KCNIP4: variants seen among roughly 807,000 people sequenced by gnomAD.
KCNIP4 encodes Kv channel-interacting protein 4.
In KCNIP4, 12 loss-of-function variants were observed where a neutral mutation model predicts 34.0. That is an observed-to-expected ratio of 0.35 (90% CI 0.23 to 0.57). The LOEUF (loss-of-function observed/expected upper bound fraction) is 0.57. KCNIP4 is among the 20% of genes least tolerant of loss of function. The pLI, the probability that KCNIP4 is intolerant of heterozygous loss-of-function variation, is 0.83. For synonymous variants in KCNIP4, 124 were observed against 102.2 expected, an observed-to-expected ratio of 1.21 and a Z score of -1.29; for missense variants, 238 against 311.7, an observed-to-expected ratio of 0.76 and a Z score of 1.78.
chr4:20,864,025 CATACATAT>C (rs778190172), intron 2 of KCNIP4, among the ~76,000 whole-genome samples: 1,327 of 130,678 alleles, frequency 0.01, 12 homozygotes, highest in Middle Eastern at 0.03. Context: ...TGTATGTATA[CATACATAT>C]GTATGTATAC....
intron 1 of KCNIP4, among the ~76,000 whole-genome samples, chr4:21,518,389 C>G (rs1217160246): frequency 6.6e-6 from 1 of 152,108 alleles, no homozygotes; most frequent in African/African-American, 2.4e-5. Context: ...ATTTTCTCTA[C>G]AGTGGAGGAG....
intron 1 of KCNIP4, among the ~76,000 whole-genome samples, chr4:21,569,420 C>A (rs999776132): frequency 2.0e-5 from 3 of 151,916 alleles, no homozygotes; most frequent in Non-Finnish European, 4.4e-5. Context: ...AAAGAAAGTA[C>A]AGAACTTTAG....
chr4:21,204,404 GT>G (rs1303069018), intron 1 of KCNIP4, among the ~76,000 whole-genome samples: 1 of 152,122 alleles, frequency 6.6e-6, no homozygotes, highest in Non-Finnish European at 1.5e-5. Flanking sequence ...AAAAGCTGTA[GT>G]TTTTTTGTAG....
At chr4:21,317,357 T>G (rs1406106444) in intron 1 of KCNIP4, among the ~76,000 whole-genome samples, 1 of 152,160 alleles carries the variant, frequency 6.6e-6, no homozygotes, top group Non-Finnish European at 1.5e-5. Flanking sequence ...ATGTTTACTA[T>G]TCTGTGTCCA....
intron 1 of KCNIP4, chr4:21,464,773 A>G (rs527273169): frequency 6.6e-6 from 1 of 152,282 alleles, no homozygotes; most frequent in Non-Finnish European, 1.5e-5. Flanking sequence ...CCTGACAGAC[A>G]TTTACACAAT....
At chr4:21,779,795 C>A (rs1719456133) in intron 1 of KCNIP4, among the ~76,000 whole-genome samples, 1 of 151,868 alleles carries the variant, frequency 6.6e-6, no homozygotes. Context: ...GGCATGGTGG[C>A]ACACTTCCTC....
At chr4:21,568,233 T>C (rs547219987) in intron 1 of KCNIP4, among the ~76,000 whole-genome samples, 1 of 152,226 alleles carries the variant, frequency 6.6e-6, no homozygotes, top group Non-Finnish European at 1.5e-5. Flanking sequence ...GTCACCTTAT[T>C]TGAAAATAAG....
intron 4 of KCNIP4, among the ~76,000 whole-genome samples, chr4:20,753,906 G>GTTCATTCATTCATTCA (rs3835144): frequency 4.6e-5 from 7 of 151,184 alleles, no homozygotes; most frequent in East Asian, 1.9e-4. Context: ...GAGCTCATTT[G>GTTCATTCATTCATTCA]TTCATTCATT....
intron 4 of KCNIP4, among the ~76,000 whole-genome samples, chr4:20,753,935 TTC>T: frequency 7.3e-6 from 1 of 137,818 alleles, no homozygotes; most frequent in Admixed American, 7.4e-5. Context: ...CATTCATTCA[TTC>T]AACAACTGTT....
intron 1 of KCNIP4, among the ~76,000 whole-genome samples, chr4:21,509,888 CGG>C (rs1419081656): frequency 6.6e-6 from 1 of 151,856 alleles, no homozygotes; most frequent in East Asian, 1.9e-4. Context: ...GAGGCTGAGG[CGG>C]GTGGATCACT....
intron 1 of KCNIP4, among the ~76,000 whole-genome samples, chr4:21,140,541 A>C (rs1251404046): frequency 6.6e-6 from 1 of 152,098 alleles, no homozygotes; most frequent in African/African-American, 2.4e-5. Context: ...TATGCTAATA[A>C]TTTTCTGTCT....
chr4:21,814,363 A>G (rs1477830513), intron 1 of KCNIP4, among the ~76,000 whole-genome samples: 1 of 152,096 alleles, frequency 6.6e-6, no homozygotes, highest in Non-Finnish European at 1.5e-5. Flanking sequence ...AGTGTGAGGT[A>G]ATTGAATTAC....
At chr4:20,769,243 T>C (rs1235934657) in intron 3 of KCNIP4, among the ~76,000 whole-genome samples, 2 of 152,182 alleles carry the variant, frequency 1.3e-5, no homozygotes, top group Non-Finnish European at 2.9e-5. Flanking sequence ...AGCATAATAC[T>C]AAACATTCTA....
intron 1 of KCNIP4, among the ~76,000 whole-genome samples, chr4:21,892,418 G>A (rs1005577493): frequency 3.3e-5 from 5 of 151,750 alleles, no homozygotes; most frequent in African/African-American, 4.8e-5. Context: ...AGAACAATAG[G>A]GAAGTTTTTG....
At chr4:21,739,417 A>C (rs1716249077) in intron 1 of KCNIP4, among the ~76,000 whole-genome samples, 1 of 152,112 alleles carries the variant, frequency 6.6e-6, no homozygotes, top group African/African-American at 2.4e-5. Context: ...TGTTTCAAAA[A>C]GGATACTTTT....
At chr4:20,860,532 T>A (rs1390183933) in intron 2 of KCNIP4, among the ~76,000 whole-genome samples, 1 of 152,222 alleles carries the variant, frequency 6.6e-6, no homozygotes, top group African/African-American at 2.4e-5. Context: ...AAAATTCTAT[T>A]TGAGCTGAAA....
chr4:20,816,151 G>A (rs145655100), intron 3 of KCNIP4, among the ~76,000 whole-genome samples: 8,755 of 151,990 alleles, frequency 0.058, 329 homozygotes, highest in Non-Finnish European at 0.09. Context: ...TACTTGGGGA[G>A]GCTGAGGCAG....
chr4:20,773,680 C>T (rs1259539368), intron 3 of KCNIP4, among the ~76,000 whole-genome samples: 2 of 152,090 alleles, frequency 1.3e-5, no homozygotes, highest in African/African-American at 4.8e-5. Context: ...AAGCTTGGTG[C>T]CTGTCTGGGT....
chr4:21,513,673 G>A (rs959704694), intron 1 of KCNIP4, among the ~76,000 whole-genome samples: 2 of 152,200 alleles, frequency 1.3e-5, no homozygotes, highest in Non-Finnish European at 2.9e-5. Flanking sequence ...CAGCCTTCAC[G>A]TGGCATGTGC....
Sources: gnomAD v4.1 joint callset for allele counts (sites outside exome capture counted in the v4.1 genomes callset) on GRCh38, gnomAD v4.1.1 for gene constraint, MANE v1.5 for transcripts, NCBI Gene and HGNC (gene_info 2026-07-23, HGNC 2026-07-21) for gene names.